Variants in KDM4C observed in about 807,000 individuals in gnomAD.
KDM4C encodes lysine demethylase 4C.
In KDM4C, 81 loss-of-function variants were observed where a neutral mutation model predicts 129.3. The observed-to-expected ratio is 0.63, with a 90% CI of 0.52 to 0.75. KDM4C has a LOEUF of 0.75. Among genes scored for constraint, KDM4C ranks in the 30% least tolerant of loss-of-function variants. The pLI is 0.00. For missense variants in KDM4C, 1,457 were observed against 1,304.0 expected (o/e 1.12, Z -1.81); for synonymous variants, 573 against 456.1 (o/e 1.26, Z -3.26).
intron 5 of KDM4C, among the ~76,000 whole-genome samples, chr9:6,861,785 T>C (rs987710528): frequency 2.0e-5 from 3 of 151,812 alleles, no homozygotes; most frequent in Non-Finnish European, 4.4e-5. Flanking sequence ...TTTCTTTTTT[T>C]TTTTTCTCGA....
chr9:7,112,589 G>T lies in KDM4C; in HGVS notation c.2610+8719G>T, dbSNP rs1193554904. ...AGAACTGATTATGAGGAAGAATTTTGCCTACTGTCACTTTCAGTGTGCCCA... is the reference window on the plus strand; with the variant it reads ...AGAACTGATTATGAGGAAGAATTTTTCCTACTGTCACTTTCAGTGTGCCCA... On this transcript the variant is annotated intron_variant, in intron 18 of 21. Transcript: ENST00000381309. Among the ~76,000 whole-genome samples the T allele has an allele frequency of 2.0e-5, 3 of 152,164 alleles. No individual in the cohort carries two copies. The East Asian group carries it at 5.8e-4, about 29-fold the overall frequency.
At chr9:7,106,425 C>T (rs1452862455) in intron 18 of KDM4C, among the ~76,000 whole-genome samples, 1 of 152,176 alleles carries the variant, frequency 6.6e-6, no homozygotes, top group Non-Finnish European at 1.5e-5. Flanking sequence ...AAATAAAGTT[C>T]AGGCTAACTT....
intron 19 of KDM4C, 56 bp downstream of exon 19, chr9:7,128,292 A>C: frequency 3.7e-6 from 5 of 1,352,736 alleles, no homozygotes; most frequent in African/African-American, 1.5e-5. Context: ...AAAAAAACCA[A>C]AGTAACTGAG....
chr9:7,013,548 G>A (rs1007093529), intron 13 of KDM4C, among the ~76,000 whole-genome samples: 46 of 152,328 alleles, frequency 3.0e-4, no homozygotes, highest in Middle Eastern at 3.4e-3. Context: ...TTAGTAGCCA[G>A]TTGCTTTCTT....
chr9:6,824,080 C>T (rs1156615620), intron 4 of KDM4C, among the ~76,000 whole-genome samples: 1 of 152,208 alleles, frequency 6.6e-6, no homozygotes, highest in Non-Finnish European at 1.5e-5. Flanking sequence ...TGAAACAGTT[C>T]TGTTGGTGGA....
chr9:7,130,515 G>A (rs1471822784), intron 19 of KDM4C, among the ~76,000 whole-genome samples: 1 of 152,120 alleles, frequency 6.6e-6, no homozygotes. Context: ...AAGCTAACCC[G>A]CAGAAGAGTT....
intron 15 of KDM4C, among the ~76,000 whole-genome samples, chr9:7,038,973 G>A (rs930129933): frequency 6.6e-6 from 1 of 151,818 alleles, no homozygotes; most frequent in Non-Finnish European, 1.5e-5. Context: ...TTTGATATAT[G>A]TATTGGGAGT....
intron 18 of KDM4C, among the ~76,000 whole-genome samples, chr9:7,116,958 T>A (rs1838967267): frequency 6.6e-6 from 1 of 152,236 alleles, no homozygotes; most frequent in Admixed American, 6.5e-5. Flanking sequence ...AGTATAATAA[T>A]AACTAACATT....
intron 1 of KDM4C, among the ~76,000 whole-genome samples, chr9:6,728,568 C>T (rs1173665781): frequency 4.6e-5 from 7 of 151,344 alleles, no homozygotes; most frequent in East Asian, 1.9e-4. Flanking sequence ...TATTCTTGGC[C>T]GGGCTCAGTG....
At chr9:7,150,071 T>C (rs1362555849) in intron 19 of KDM4C, among the ~76,000 whole-genome samples, 1 of 152,138 alleles carries the variant, frequency 6.6e-6, no homozygotes, top group East Asian at 1.9e-4. Flanking sequence ...CAACTCTGTC[T>C]CCTGTTTGGC....
chr9:7,120,045 A>T (rs1390595060), intron 18 of KDM4C, among the ~76,000 whole-genome samples: 1 of 152,058 alleles, frequency 6.6e-6, no homozygotes, highest in Admixed American at 6.6e-5. Context: ...CACTTTTTTT[A>T]AACCCCATCC....
chr9:7,101,232 C>T (rs982671583), intron 17 of KDM4C, among the ~76,000 whole-genome samples: 19 of 152,064 alleles, frequency 1.2e-4, no homozygotes, highest in African/African-American at 3.9e-4. Flanking sequence ...GCATGTATTT[C>T]GTTGTAACAT....
chr9:7,115,555 A>G (rs1838802980), intron 18 of KDM4C, among the ~76,000 whole-genome samples: 1 of 152,216 alleles, frequency 6.6e-6, no homozygotes. Context: ...TCATGTAGAA[A>G]ACAGTAATTA....
chr9:7,115,985 C>T (rs1421713714), intron 18 of KDM4C, among the ~76,000 whole-genome samples: 1 of 152,192 alleles, frequency 6.6e-6, no homozygotes, highest in African/African-American at 2.4e-5. Context: ...CATGTCCTTT[C>T]TTGTCTTCTC....
At chr9:6,995,697 C>A (rs753182325) in intron 12 of KDM4C, among the ~76,000 whole-genome samples, 3 of 151,284 alleles carry the variant, frequency 2.0e-5, no homozygotes, top group Non-Finnish European at 4.4e-5. Flanking sequence ...TTTGAGATGG[C>A]GTCTCGCACT....
At chr9:7,108,382 G>C (rs1356830062) in intron 18 of KDM4C, among the ~76,000 whole-genome samples, 1 of 152,038 alleles carries the variant, frequency 6.6e-6, no homozygotes, top group Non-Finnish European at 1.5e-5. Flanking sequence ...GACTACAGGT[G>C]TGCGCCCCCA....
rs1201913702 is a variant in KDM4C, at chr9:6,758,477, C to T, written c.-18+274C>T. ...CCGCGCTCGCCGTTTTCCCGGGATC[C>T]GGAGTCGGGGTCGCCTCCTTGGGGC... On this transcript the variant is annotated intron_variant, in intron 1 of 21. Coordinates refer to ENST00000381309, the MANE Select transcript of KDM4C (RefSeq NM_015061.6). This position sits in a 1 kb window ranked among gnomAD's most constrained non-coding sequence, Gnocchi z 4.6. Among the ~76,000 whole-genome samples the T allele has an allele frequency of 6.6e-5, 10 of 152,228 alleles. No homozygotes were observed. Among genetic ancestry groups the T allele is most frequent in the African/African-American group, 2.2e-4 (9 of 41,470 alleles).
At chr9:6,980,599 A>G (rs985170123) in intron 8 of KDM4C, among the ~76,000 whole-genome samples, 6 of 152,188 alleles carry the variant, frequency 3.9e-5, no homozygotes, top group Admixed American at 2.6e-4. Context: ...CGCTCAGTTC[A>G]TTGACACATC....
At chr9:6,933,732 A>G (rs1372428772) in intron 8 of KDM4C, among the ~76,000 whole-genome samples, 1 of 152,218 alleles carries the variant, frequency 6.6e-6, no homozygotes, top group African/African-American at 2.4e-5. Context: ...AGTTAAGAAC[A>G]TGGAGGTTTG....
Sources: allele counts gnomAD v4.1 joint callset (sites outside exome capture counted in the v4.1 genomes callset), GRCh38; gene constraint gnomAD v4.1.1; non-coding constraint Gnocchi (gnomAD v3.1); transcripts MANE v1.5; gene names NCBI Gene and HGNC (gene_info 2026-07-23, HGNC 2026-07-21).